VPS39: variants seen among roughly 807,000 people sequenced by gnomAD.
VPS39 encodes VPS39 subunit of HOPS complex.
A neutral mutation model predicts 121.0 loss-of-function variants in VPS39; 70 were observed. The ratio of observed to expected loss-of-function variants is 0.58; its 90% CI spans 0.48 to 0.71. VPS39 has a LOEUF of 0.71. Ranked by LOEUF, VPS39 falls within the 30% of genes least tolerant of loss-of-function variation. VPS39 has a pLI of 0.00. For synonymous variants in VPS39, 378 were observed against 398.1 expected (o/e 0.95, Z 0.60); for missense variants, 818 against 1,051.5 (o/e 0.78, Z 3.07).
intron 11 of VPS39, among the ~76,000 whole-genome samples, chr15:42,173,263 C>G (rs1391518948): frequency 1.3e-5 from 2 of 152,176 alleles, no homozygotes; most frequent in Non-Finnish European, 2.9e-5. Context: ...AGACCTCAGG[C>G]AGACCCCAGG....
chr15:42,163,552 C>G (rs545665952), intron 20 of VPS39, 74 bp downstream of exon 20: 19 of 1,516,840 alleles, frequency 1.3e-5, no homozygotes, highest in Non-Finnish European at 1.6e-5. Flanking sequence ...GGGGAGATGG[C>G]CTTCTTAACT....
intron 10 of VPS39, among the ~76,000 whole-genome samples, chr15:42,176,374 C>T (rs1168547728): frequency 1.3e-5 from 2 of 151,644 alleles, no homozygotes; most frequent in African/African-American, 4.8e-5. Context: ...TAAACGTATA[C>T]TAAATATGTT....
At chr15:42,167,763 T>G (rs935967796) in intron 12 of VPS39, among the ~76,000 whole-genome samples, 3 of 152,162 alleles carry the variant, frequency 2.0e-5, no homozygotes, top group Non-Finnish European at 2.9e-5. Context: ...TATACCATCT[T>G]AAACCTAAAA....
intron 24 of VPS39, chr15:42,161,080 A>C (rs1626437): frequency 0.044 from 20,902 of 475,636 alleles, 1,493 homozygotes; most frequent in African/African-American, 0.19. Flanking sequence ...GCAAAACACA[A>C]GGCATATTAA....
Position 42,178,310 on chromosome 15 carries a change from G to C in VPS39, c.868C>G (p.His290Asp). ...GSNIIYVASN[H>D]FVWRLIPVPM... The stretch of plus-strand genomic sequence containing the variant: ...ACAGGGATGAGTCTCCAAACAAAAT[G>C]ATTGCTGGCCACATAGATAATGTTT... Residue 290 changes from histidine (H) to aspartate (D), a missense_variant, in exon 10 of 25, where the codon CAT becomes GAT. His to Asp is a moderately conservative substitution (Grantham distance 81, BLOSUM62 -1). Transcript: ENST00000318006. 6.2e-7 allele frequency: 1 copy of C among 1,614,160 alleles called. No homozygotes were observed. Among genetic ancestry groups the C allele is most frequent in the Non-Finnish European group, 8.5e-7 (1 of 1,180,030 alleles).
intron 8 of VPS39, among the ~76,000 whole-genome samples, chr15:42,179,525 C>T (rs1268286379): frequency 6.8e-6 from 1 of 148,044 alleles, no homozygotes; most frequent in African/African-American, 2.5e-5. Context: ...TGCAGTGAGC[C>T]GAGATGCACC....
intron 1 of VPS39, among the ~76,000 whole-genome samples, chr15:42,204,444 G>A (rs1188696635): frequency 2.0e-5 from 3 of 152,166 alleles, no homozygotes; most frequent in Admixed American, 2.0e-4. Context: ...CAGGTCAGGC[G>A]TTTGAGACCA....
intron 7 of VPS39, 107 bp from the exon 8 acceptor site, chr15:42,184,807 T>C: frequency 1.9e-6 from 2 of 1,060,316 alleles, no homozygotes; most frequent in Non-Finnish European, 2.7e-6. Context: ...TAATATTCCT[T>C]GTTTGACATA....
Position 42,160,170 on chromosome 15 carries a change from G to C in VPS39, c.*584C>G, listed in dbSNP as rs1459181927. ...TCAGGGAAGTGGGAGAGAAAGCCTG[G>C]GTAGGGCAGTGAGGGAAGTGATAAA... On this transcript the variant is annotated 3_prime_UTR_variant, in exon 25 of 25. Transcript: ENST00000318006. 2.0e-5 allele frequency: 3 copies of C among 153,088 alleles called. No homozygotes were observed. The highest frequency in any genetic ancestry group is 2.1e-4 in the South Asian group (1 of 4,858). 9.5% of individuals were successfully genotyped at this position (153,088 alleles called of 1,614,324 possible). A position where few individuals can be genotyped will look rare whatever the true frequency, so the allele number is the denominator to read the frequency against.
At chr15:42,179,969 G>A (rs2049548351) in intron 8 of VPS39, among the ~76,000 whole-genome samples, 1 of 152,134 alleles carries the variant, frequency 6.6e-6, no homozygotes, top group Non-Finnish European at 1.5e-5. Flanking sequence ...TCTGCCATGT[G>A]AGAATGCAGA....
chr15:42,161,966 C>G, intron 23 of VPS39, 66 bp downstream of exon 23: 2 of 1,606,878 alleles, frequency 1.2e-6, no homozygotes, highest in Non-Finnish European at 1.7e-6. Flanking sequence ...CAGAAGGGAA[C>G]ATGTGGACAT....
chr15:42,163,360 C>G lies in VPS39; in HGVS notation c.2165G>C (p.Gly722Ala). The change falls in exon 21 of 25, where the codon GGC becomes GCC. Residue 722 changes from glycine (G) to alanine (A), a missense_variant. By Grantham distance (60) the Gly-to-Ala change is moderately conservative (BLOSUM62 0). Transcript: ENST00000318006. ...AGGGTCACTACTCACATCTTTGTTG[C>G]CATCTTTGTTTCGGTCATAGTGTTT... ...CHKHYDRNKD[G>A]NKDVYLSLLR... The G allele has an allele frequency of 1.2e-6, 2 of 1,614,162 alleles. No homozygotes were observed. Among genetic ancestry groups the G allele is most frequent in the Non-Finnish European group, 1.7e-6 (2 of 1,180,026 alleles).
chr15:42,160,575 C>G lies in VPS39; in HGVS notation c.*179G>C, dbSNP rs2049108362. 2 of 620,040 alleles carry G rather than the reference C, an allele frequency of 3.2e-6. No individual in the cohort carries two copies. The highest frequency in any genetic ancestry group is 5.8e-6 in the Non-Finnish European group (2 of 345,482). 38.4% of individuals were successfully genotyped at this position (620,040 alleles called of 1,614,324 possible). A position where few individuals can be genotyped will look rare whatever the true frequency, so the allele number is the denominator to read the frequency against. ...ACTAATCTCTTTTCCCATTAAAAAGCTGGCAATGCCAGACCATGAGTCTAA... is the reference window on the plus strand; with the variant it reads ...ACTAATCTCTTTTCCCATTAAAAAGGTGGCAATGCCAGACCATGAGTCTAA... On this transcript the variant is annotated 3_prime_UTR_variant, in exon 25 of 25. Coordinates refer to ENST00000318006, the MANE Select transcript of VPS39 (RefSeq NM_015289.5).
chr15:42,160,467 A>G lies in VPS39; in HGVS notation c.*287T>C, dbSNP rs2049106926. The stretch of plus-strand genomic sequence containing the variant: ...TTCCTTGTTCAGGTGACTGGTGTGC[A>G]AAGGCAAGATGGTGCACATCCTCCT... On this transcript the variant is annotated 3_prime_UTR_variant, in exon 25 of 25. Transcript: ENST00000318006. 2.4e-6 allele frequency: 1 copy of G among 416,784 alleles called. No individual in the cohort carries two copies. The highest frequency in any genetic ancestry group is 4.4e-6 in the Non-Finnish European group (1 of 225,310). The allele number at this position is 416,784 out of a possible 1,614,324, so 25.8% of individuals were successfully genotyped here.
At chr15:42,189,322 T>C in intron 4 of VPS39, 114 bp from the exon 5 acceptor site, 3 of 747,162 alleles carry the variant, frequency 4.0e-6, no homozygotes, top group South Asian at 1.6e-5. Flanking sequence ...ATGGCAGATG[T>C]TGGTTGAAGA....
At chr15:42,164,192 G>C (rs777821309) in intron 19 of VPS39, among the ~76,000 whole-genome samples, 166 bp downstream of exon 19, 1 of 152,190 alleles carries the variant, frequency 6.6e-6, no homozygotes, top group African/African-American at 2.4e-5. Flanking sequence ...TCTCAGTCAC[G>C]GTACAAAAGT....
intron 2 of VPS39, among the ~76,000 whole-genome samples, chr15:42,193,802 A>G (rs1023431603): frequency 6.6e-6 from 1 of 152,040 alleles, no homozygotes; most frequent in Non-Finnish European, 1.5e-5. Context: ...ATCATTCACA[A>G]CAAATACTGC....
chr15:42,176,148 G>A (rs2049447278), intron 10 of VPS39, among the ~76,000 whole-genome samples: 1 of 152,004 alleles, frequency 6.6e-6, no homozygotes, highest in South Asian at 2.1e-4. Context: ...AAAAGAGAAG[G>A]AAAAATGGGA....
intron 2 of VPS39, among the ~76,000 whole-genome samples, chr15:42,196,949 A>T (rs1462587643): frequency 2.6e-5 from 4 of 152,044 alleles, no homozygotes; most frequent in African/African-American, 9.7e-5. Flanking sequence ...GATAGACTGG[A>T]TTAAGAAAAT....
Sources: allele counts gnomAD v4.1 joint callset (sites outside exome capture counted in the v4.1 genomes callset), GRCh38; gene constraint gnomAD v4.1.1; transcripts MANE v1.5; gene names NCBI Gene and HGNC (gene_info 2026-07-23, HGNC 2026-07-21).